TYW1B: variants seen among roughly 807,000 people sequenced by gnomAD.
The protein encoded by TYW1B is tRNA-yW synthesizing protein 1 homolog B, also known as S-adenosyl-L-methionine-dependent tRNA 4-demethylwyosine synthase TYW1B.
TYW1B carries 73 observed loss-of-function variants against 86.9 expected under a neutral mutation model. The observed-to-expected ratio is 0.84, with a 90% confidence interval of 0.70 to 1.02. The LOEUF is 1.02. Ranked by LOEUF, TYW1B falls within the 50% of genes least tolerant of loss-of-function variation. The pLI is 0.00. For synonymous variants in TYW1B, 248 were observed against 292.8 expected (o/e 0.85, Z 1.56); for missense variants, 637 against 827.4 (o/e 0.77, Z 2.82).
intron 9 of TYW1B, among the ~76,000 whole-genome samples, chr7:72,727,331 G>A (rs1452669143): frequency 1.3e-5 from 2 of 152,094 alleles, no homozygotes; most frequent in African/African-American, 4.8e-5. Context: ...GGTTGCATAT[G>A]ACGGAAAAGA....
At chr7:72,689,169 G>T (rs1814079876) in intron 11 of TYW1B, among the ~76,000 whole-genome samples, 1 of 152,150 alleles carries the variant, frequency 6.6e-6, no homozygotes, top group African/African-American at 2.4e-5. Flanking sequence ...CACCGATGAT[G>T]AGAGGTGGAA....
At chr7:72,742,621 T>C (rs1787324935) in intron 8 of TYW1B, among the ~76,000 whole-genome samples, 1 of 152,198 alleles carries the variant, frequency 6.6e-6, no homozygotes, top group African/African-American at 2.4e-5. Context: ...TCAAATAATA[T>C]CAATTCAAAA....
chr7:72,685,618 G>T (rs1813991529), intron 11 of TYW1B, among the ~76,000 whole-genome samples: 1 of 149,990 alleles, frequency 6.7e-6, no homozygotes, highest in Admixed American at 6.7e-5. Context: ...CAAAAAAAAA[G>T]AATCTAAACG....
At chr7:72,659,016 C>G (rs1428859718) in intron 11 of TYW1B, among the ~76,000 whole-genome samples, 16 of 152,166 alleles carry the variant, frequency 1.1e-4, no homozygotes, top group Admixed American at 7.2e-4. Context: ...CCACCACACC[C>G]ACCCATAAAC....
intron 4 of TYW1B, among the ~76,000 whole-genome samples, chr7:72,808,224 G>A (rs1334762837): frequency 6.6e-6 from 1 of 152,162 alleles, no homozygotes; most frequent in Non-Finnish European, 1.5e-5. Flanking sequence ...AGACCGGAGT[G>A]AGAAGAATGC....
intron 12 of TYW1B, among the ~76,000 whole-genome samples, chr7:72,622,801 ACAC>A: frequency 6.6e-6 from 1 of 151,948 alleles, no homozygotes; most frequent in East Asian, 1.9e-4. Flanking sequence ...TGCATAACAC[ACAC>A]AACACACATG....
intron 11 of TYW1B, among the ~76,000 whole-genome samples, chr7:72,676,198 T>C (rs1160955814): frequency 3.3e-5 from 5 of 152,106 alleles, no homozygotes; most frequent in Admixed American, 2.6e-4. Flanking sequence ...AATAAAAATA[T>C]ACCATGAAGC....
At chr7:72,752,311 G>A (rs1457323588) in intron 7 of TYW1B, among the ~76,000 whole-genome samples, 3 of 696 alleles carry the variant, frequency 4.3e-3, no homozygotes, top group Non-Finnish European at 8.2e-3. Flanking sequence ...TTCCAGGAAG[G>A]AAAGAGAAAA....
At chr7:72,701,039 G>A (rs1197186978) in intron 10 of TYW1B, among the ~76,000 whole-genome samples, 1 of 151,754 alleles carries the variant, frequency 6.6e-6, no homozygotes, top group Non-Finnish European at 1.5e-5. Context: ...ACTCTAGCCT[G>A]GGTGACAGAG....
In TYW1B at chr7:72,632,411, A is replaced by G. The variant is rs1380696848; in HGVS notation, c.1507-3414T>C. 1.3e-4 allele frequency among the ~76,000 whole-genome samples: 14 copies of G among 110,094 alleles called. 1 individual carries two copies. Among genetic ancestry groups the G allele is most frequent in the African/African-American group, 4.0e-4 (9 of 22,648 alleles). The allele number at this position is 110,094 out of a possible 152,430, so 72.2% of individuals were successfully genotyped here. On this transcript the variant is annotated intron_variant, in intron 11 of 13. Coordinates refer to ENST00000620995, the MANE Select transcript of TYW1B (RefSeq NM_001145440.3). ...ACGTATATATATATAATATATATAT[A>G]CATATATATATAAAATATATATATA...
At chr7:72,666,328 AG>A (rs1473099233) in intron 11 of TYW1B, among the ~76,000 whole-genome samples, 4 of 152,176 alleles carry the variant, frequency 2.6e-5, no homozygotes, top group African/African-American at 9.6e-5. Flanking sequence ...TGGGAGGCTG[AG>A]GTGGGAAGAT....
At chr7:72,623,538 A>T (rs1372831048) in intron 12 of TYW1B, among the ~76,000 whole-genome samples, 2 of 152,162 alleles carry the variant, frequency 1.3e-5, no homozygotes, top group African/African-American at 4.8e-5. Flanking sequence ...ATTGAAGGTG[A>T]AAGGGCCTAG....
chr7:72,653,065 T>A (rs1454574785), intron 11 of TYW1B, among the ~76,000 whole-genome samples: 1 of 152,022 alleles, frequency 6.6e-6, no homozygotes, highest in Non-Finnish European at 1.5e-5. Flanking sequence ...TATTACTAAG[T>A]GAAAAAAATC....
chr7:72,681,538 TA>T (rs35156940), intron 11 of TYW1B, among the ~76,000 whole-genome samples: 1 of 150,370 alleles, frequency 6.7e-6, no homozygotes, highest in South Asian at 2.1e-4. Flanking sequence ...AAATCCATAT[TA>T]AAAAAATATT....
chr7:72,724,057 G>A (rs574245175), intron 9 of TYW1B, among the ~76,000 whole-genome samples: 1 of 150,858 alleles, frequency 6.6e-6, no homozygotes, highest in South Asian at 2.1e-4. Flanking sequence ...GCAATAAGAT[G>A]GATTTTCAAA....
At chr7:72,749,176 T>C (rs575924650) in intron 7 of TYW1B, among the ~76,000 whole-genome samples, 1 of 152,242 alleles carries the variant, frequency 6.6e-6, no homozygotes, top group Non-Finnish European at 1.5e-5. Flanking sequence ...GAGGAATAGA[T>C]GTATTTCACC....
intron 11 of TYW1B, among the ~76,000 whole-genome samples, chr7:72,676,433 T>C (rs1222000260): frequency 1.3e-5 from 2 of 152,154 alleles, no homozygotes; most frequent in Non-Finnish European, 2.9e-5. Context: ...TGCTGTACAC[T>C]ATATTTAGTT....
chr7:72,791,246 G>T (rs1226231291), intron 6 of TYW1B, among the ~76,000 whole-genome samples: 1 of 151,988 alleles, frequency 6.6e-6, no homozygotes, highest in South Asian at 2.1e-4. Context: ...ATAGGATTCC[G>T]AAGAAACCTT....
chr7:72,629,759 G>T (rs1812438691), intron 11 of TYW1B, among the ~76,000 whole-genome samples: 1 of 151,874 alleles, frequency 6.6e-6, no homozygotes, highest in Non-Finnish European at 1.5e-5. Context: ...TGTTATTCAG[G>T]CTGGTCTCGA....
Sources: gnomAD v4.1 joint callset for allele counts (sites outside exome capture counted in the v4.1 genomes callset) on GRCh38, gnomAD v4.1.1 for gene constraint, MANE v1.5 for transcripts, NCBI Gene and HGNC (gene_info 2026-07-23, HGNC 2026-07-21) for gene names.